B3GNT2: variants seen among roughly 807,000 people sequenced by gnomAD.
B3GNT2 encodes the protein UDP-GlcNAc:betaGal beta-1,3-N-acetylglucosaminyltransferase 2.
In B3GNT2, 12 loss-of-function variants were observed where a neutral mutation model predicts 27.6. The ratio of observed to expected loss-of-function variants is 0.44; its 90% CI spans 0.28 to 0.71. The LOEUF (loss-of-function observed/expected upper bound fraction) is 0.71, where lower values mean the gene tolerates loss of function less well. Ranked by LOEUF, B3GNT2 falls within the 30% of genes least tolerant of loss-of-function variation. The probability of loss-of-function intolerance (pLI) is 0.17; values close to 1 mark genes in which losing one functional copy is unlikely to be tolerated. For synonymous variants in B3GNT2, 192 were observed against 189.7 expected (o/e 1.01, Z -0.10); for missense variants, 413 against 488.5 (o/e 0.85, Z 1.46).
chr2:62,206,080 A>C (rs1351802793), intron 1 of B3GNT2, among the ~76,000 whole-genome samples: 1 of 152,160 alleles, frequency 6.6e-6, no homozygotes, highest in East Asian at 1.9e-4. Flanking sequence ...AGCCAGGAGA[A>C]ACCAGGCTGA....
rs769951436 is a variant in B3GNT2, at chr2:62,223,621, A to T, written c.*207A>T. 4 of 542,414 alleles carry T rather than the reference A, an allele frequency of 7.4e-6. No homozygotes were observed. The highest frequency in any genetic ancestry group is 1.9e-5 in the African/African-American group (1 of 52,156). 33.6% of individuals were successfully genotyped at this position (542,414 alleles called of 1,614,324 possible). A position where few individuals can be genotyped will look rare whatever the true frequency, so the allele number is the denominator to read the frequency against. ...AATTTTTTTTTATGGATGATATGGC[A>T]GGATGATTGGTTCTGATCTTACCGG... On this transcript the variant is annotated 3_prime_UTR_variant, in exon 2 of 2. Transcript: ENST00000301998.
chr2:62,199,181 C>A (rs1191260572), intron 1 of B3GNT2, among the ~76,000 whole-genome samples: 1 of 152,184 alleles, frequency 6.6e-6, no homozygotes, highest in Non-Finnish European at 1.5e-5. Context: ...CCTGGTGATC[C>A]ACCCGCCTAG....
Position 62,222,759 on chromosome 2 carries a change from TC to T in B3GNT2, c.541del (p.Leu181CysfsTer18). On this transcript the variant is annotated frameshift_variant, in exon 2 of 2. Coordinates refer to ENST00000301998, the MANE Select transcript of B3GNT2 (RefSeq NM_006577.6). LOFTEE classifies it high-confidence loss of function. The surrounding 1 kb of genome is among the most constrained non-coding windows in gnomAD (Gnocchi z 4.2). Reference protein sequence around the residue: ...NAGNQTVVRVFLLGQTPPEDN... With the variant: ...NAGNQTVVRVXLLGQTPPEDN... ...GGGAACCAAACGGTGGTGCGAGTCT[TC>T]CTGCTGGGCCAGACACCCCCAGAGG... 6.2e-7 allele frequency: 1 copy of T among 1,614,174 alleles called. No homozygotes were observed. Among genetic ancestry groups the T allele is most frequent in the Non-Finnish European group, 8.5e-7 (1 of 1,180,028 alleles).
chr2:62,202,685 T>A (rs1037046815), intron 1 of B3GNT2, among the ~76,000 whole-genome samples: 2 of 152,150 alleles, frequency 1.3e-5, no homozygotes, highest in African/African-American at 4.8e-5. Context: ...GTTCTCTGCT[T>A]CCCATTTGCC....
intron 1 of B3GNT2, chr2:62,221,803 C>CG (rs771873359): frequency 1.4e-5 from 7 of 514,224 alleles, no homozygotes; most frequent in Non-Finnish European, 1.2e-5. Flanking sequence ...TTAGGCAAAT[C>CG]GGTTTGCCAA....
chr2:62,205,012 T>C (rs1674344430), intron 1 of B3GNT2, among the ~76,000 whole-genome samples: 1 of 152,142 alleles, frequency 6.6e-6, no homozygotes, highest in South Asian at 2.1e-4. Flanking sequence ...GCCATCAATT[T>C]AGAGATAGCG....
chr2:62,200,837 T>C (rs538039401), intron 1 of B3GNT2, among the ~76,000 whole-genome samples: 1 of 152,372 alleles, frequency 6.6e-6, no homozygotes, highest in East Asian at 1.9e-4. Flanking sequence ...GCATGTAGTC[T>C]TTTGTGAAAT....
intron 1 of B3GNT2, among the ~76,000 whole-genome samples, chr2:62,200,948 G>A (rs1179221106): frequency 1.3e-5 from 2 of 152,094 alleles, no homozygotes; most frequent in East Asian, 1.9e-4. Flanking sequence ...AAAATTACAC[G>A]AACTATTTCA....
intron 1 of B3GNT2, among the ~76,000 whole-genome samples, chr2:62,221,014 T>C (rs1674680788): frequency 6.6e-6 from 1 of 152,228 alleles, no homozygotes; most frequent in South Asian, 2.1e-4. Context: ...CACTTCAGGT[T>C]TGACATATGC....
chr2:62,201,647 C>T (rs58004387), intron 1 of B3GNT2, among the ~76,000 whole-genome samples: 3 of 152,248 alleles, frequency 2.0e-5, no homozygotes, highest in African/African-American at 4.8e-5. Context: ...TTGGGTAGTA[C>T]TTGGCATTCT....
intron 1 of B3GNT2, among the ~76,000 whole-genome samples, chr2:62,200,060 T>A (rs534438237): frequency 6.6e-6 from 1 of 152,244 alleles, no homozygotes; most frequent in African/African-American, 2.4e-5. Context: ...GTTTTCTATT[T>A]GTTACAAATT....
At chr2:62,209,512 C>T (rs962590409) in intron 1 of B3GNT2, among the ~76,000 whole-genome samples, 1 of 152,152 alleles carries the variant, frequency 6.6e-6, no homozygotes, top group African/African-American at 2.4e-5. Flanking sequence ...GGCGTGGTGG[C>T]ACACTTGTAG....
At chr2:62,200,240 A>G (rs983821673) in intron 1 of B3GNT2, among the ~76,000 whole-genome samples, 6 of 152,208 alleles carry the variant, frequency 3.9e-5, no homozygotes, top group East Asian at 1.9e-4. Flanking sequence ...ATTTTCATAT[A>G]TAACTTTAAG....
chr2:62,221,047 A>G (rs779201696), intron 1 of B3GNT2, among the ~76,000 whole-genome samples: 38 of 152,254 alleles, frequency 2.5e-4, no homozygotes, highest in Non-Finnish European at 4.7e-4. Flanking sequence ...AGCCTTCATC[A>G]GGATCAAGAC....
intron 1 of B3GNT2, among the ~76,000 whole-genome samples, chr2:62,220,981 A>G (rs1674680003): frequency 6.6e-6 from 1 of 152,068 alleles, no homozygotes; most frequent in Non-Finnish European, 1.5e-5. Flanking sequence ...TTTTTGCTAC[A>G]AACAATAGAG....
chr2:62,223,046 A>ATCCAC lies in B3GNT2; in HGVS notation c.827_831dup (p.Asn278SerfsTer12). On this transcript the variant is annotated frameshift_variant, in exon 2 of 2. Coordinates refer to ENST00000301998, the MANE Select transcript of B3GNT2 (RefSeq NM_006577.6). LOFTEE classifies it high-confidence loss of function. The stretch of plus-strand genomic sequence containing the variant: ...CAAAGATCTCTTCATAGGTGATGTG[A>ATCCAC]TCCACAATGCTGGACCTCATCGGGA... 6.2e-7 allele frequency: 1 copy of ATCCAC among 1,614,210 alleles called. No homozygotes were observed. Among genetic ancestry groups the ATCCAC allele is most frequent in the Non-Finnish European group, 8.5e-7 (1 of 1,180,030 alleles).
intron 1 of B3GNT2, among the ~76,000 whole-genome samples, chr2:62,209,778 G>C: frequency 6.6e-6 from 1 of 152,146 alleles, no homozygotes; most frequent in African/African-American, 2.4e-5. Context: ...AAGTTGTGCT[G>C]ATCTCCCTTC....
At chr2:62,218,320 G>C (rs1321458774) in intron 1 of B3GNT2, among the ~76,000 whole-genome samples, 1 of 152,180 alleles carries the variant, frequency 6.6e-6, no homozygotes, top group Admixed American at 6.5e-5. Context: ...ATTTAACCTT[G>C]ATGGAAATGT....
intron 1 of B3GNT2, among the ~76,000 whole-genome samples, chr2:62,197,022 T>A (rs1406449081): frequency 6.6e-6 from 1 of 151,984 alleles, no homozygotes; most frequent in Non-Finnish European, 1.5e-5. Context: ...ACCTTTCGCT[T>A]TGACCTTTTA....
Sources: allele counts gnomAD v4.1 joint callset (sites outside exome capture counted in the v4.1 genomes callset), GRCh38; gene constraint gnomAD v4.1.1; non-coding constraint Gnocchi (gnomAD v3.1); transcripts MANE v1.5; gene names NCBI Gene and HGNC (gene_info 2026-07-23, HGNC 2026-07-21).